INTS9: variants seen among roughly 807,000 people sequenced by gnomAD.
INTS9 encodes integrator complex subunit 9, also known as protein related to CPSF subunits of 74 kDa.
In INTS9, 55 loss-of-function variants were observed where a neutral mutation model predicts 79.7. That is an observed-to-expected ratio of 0.69 (90% CI 0.56 to 0.86). INTS9 has a LOEUF of 0.86. Ranked by LOEUF, INTS9 falls within the 40% of genes least tolerant of loss-of-function variation. The pLI is 0.00. For missense variants in INTS9, 721 were observed against 831.5 expected, an observed-to-expected ratio of 0.87 and a Z score of 1.64; for synonymous variants, 319 against 325.2, an observed-to-expected ratio of 0.98 and a Z score of 0.20.
At chr8:28,816,986 C>T (rs1302258325) in intron 6 of INTS9, among the ~76,000 whole-genome samples, 1 of 149,260 alleles carries the variant, frequency 6.7e-6, no homozygotes, top group Non-Finnish European at 1.5e-5. Context: ...CCTTTGCCCA[C>T]TTTTTGATGG....
intron 6 of INTS9, among the ~76,000 whole-genome samples, chr8:28,833,512 C>T (rs770347846): frequency 4.0e-5 from 6 of 151,822 alleles, no homozygotes; most frequent in East Asian, 3.9e-4. Context: ...CCCAGCTACT[C>T]GGGAGCCTGA....
At chr8:28,785,017 G>A (rs956442431) in intron 11 of INTS9, among the ~76,000 whole-genome samples, 2 of 152,178 alleles carry the variant, frequency 1.3e-5, no homozygotes, top group South Asian at 2.1e-4. Flanking sequence ...TTCTCAAAGG[G>A]TACAGGTCAG....
chr8:28,811,491 G>A (rs960663087), intron 8 of INTS9, among the ~76,000 whole-genome samples: 9 of 151,332 alleles, frequency 5.9e-5, no homozygotes, highest in Non-Finnish European at 1.0e-4. Context: ...GCGCAATCTC[G>A]GCTGACTGCA....
At chr8:28,836,162 A>T (rs1806795070) in intron 5 of INTS9, among the ~76,000 whole-genome samples, 1 of 152,206 alleles carries the variant, frequency 6.6e-6, no homozygotes, top group East Asian at 1.9e-4. Context: ...ATGTTTTAGG[A>T]ATTAGCAAAA....
intron 10 of INTS9, 21 bp downstream of exon 10, chr8:28,793,786 A>C (rs750591145): frequency 3.9e-6 from 6 of 1,526,310 alleles, no homozygotes; most frequent in Non-Finnish European, 3.5e-6. Context: ...TCACAAAAAA[A>C]AAAAAAAACC....
Position 28,859,080 on chromosome 8 carries a change from C to G in INTS9, c.137+356G>C, listed in dbSNP as rs192030089. ...TGTCAGACTCTATGCTGTTAAGTCTCTGCAAAGGCTGCTAAATAATTCTAA... is the reference window on the plus strand; with the variant it reads ...TGTCAGACTCTATGCTGTTAAGTCTGTGCAAAGGCTGCTAAATAATTCTAA... On this transcript the variant is annotated intron_variant, in intron 2 of 16. Coordinates refer to ENST00000521022, the MANE Select transcript of INTS9 (RefSeq NM_018250.4). Among the ~76,000 whole-genome samples, 147 of 151,856 alleles carry G rather than the reference C, an allele frequency of 9.7e-4. 1 individual carries two copies. Among genetic ancestry groups the G allele is most frequent in the African/African-American group, 3.3e-3 (134 of 41,134 alleles).
intron 6 of INTS9, among the ~76,000 whole-genome samples, chr8:28,821,872 C>T (rs923464900): frequency 6.6e-6 from 1 of 151,766 alleles, no homozygotes; most frequent in African/African-American, 2.4e-5. Context: ...TGAGCTCAAG[C>T]GATCCTCCTG....
intron 14 of INTS9, among the ~76,000 whole-genome samples, chr8:28,775,326 G>T (rs1802803123): frequency 6.6e-6 from 1 of 152,142 alleles, no homozygotes; most frequent in Non-Finnish European, 1.5e-5. Flanking sequence ...CGGTTACTTG[G>T]TTAAGGGTCC....
In INTS9 at chr8:28,768,467, G is replaced by A. The variant is rs542397660; in HGVS notation, c.1801-145C>T. On this transcript the variant is annotated intron_variant, in intron 16 of 16. Coordinates refer to ENST00000521022, the MANE Select transcript of INTS9 (RefSeq NM_018250.4). ...TCAGACTAGTCATAGGCCTATGATA[G>A]TGATAGTTTCTTATACTTGAAAAGA... The A allele has an allele frequency of 2.5e-5, 18 of 732,034 alleles. No homozygotes were observed. In the South Asian group the frequency reaches 2.7e-4, roughly 11 times the overall value. 45.3% of individuals were successfully genotyped at this position (732,034 alleles called of 1,614,324 possible). A position where few individuals can be genotyped will look rare whatever the true frequency, so the allele number is the denominator to read the frequency against.
At chr8:28,878,628 G>GTT (rs796246272) in intron 1 of INTS9, among the ~76,000 whole-genome samples, 3,771 of 132,290 alleles carry the variant, frequency 0.029, 177 homozygotes, top group African/African-American at 0.1. Context: ...GGCCTTCACT[G>GTT]TTTTTTTTTT....
chr8:28,817,581 GGTAGC>G (rs1395292354), intron 6 of INTS9, among the ~76,000 whole-genome samples: 7 of 152,190 alleles, frequency 4.6e-5, no homozygotes, highest in African/African-American at 1.7e-4. Context: ...TTTGAAGTCA[GGTAGC>G]GTGATGCCTC....
In INTS9 at chr8:28,776,429, T is replaced by TG. The variant is rs1166279823; in HGVS notation, c.1396-504_1396-503insC. ...TGCAACCAAGGAGCAGAGGCAGAGT[T>TG]TTTTTTTTTTGTTTTTTTTTTTAAA... On this transcript the variant is annotated intron_variant, in intron 13 of 16. Coordinates refer to ENST00000521022, the MANE Select transcript of INTS9 (RefSeq NM_018250.4). Among the ~76,000 whole-genome samples the TG allele has an allele frequency of 3.4e-5, 3 of 87,298 alleles. No homozygotes were observed. In the Admixed American group the frequency reaches 3.6e-4, roughly 10 times the overall value. The allele number at this position is 87,298 out of a possible 152,430, so 57.3% of individuals were successfully genotyped here. A position where few individuals can be genotyped will look rare whatever the true frequency, so the allele number is the denominator to read the frequency against.
At chr8:28,820,107 A>G in intron 6 of INTS9, among the ~76,000 whole-genome samples, 1 of 152,092 alleles carries the variant, frequency 6.6e-6, no homozygotes, top group Non-Finnish European at 1.5e-5. Context: ...TCTTTATCCA[A>G]TTTGCCAGTC....
At chr8:28,865,723 T>C (rs143945961) in intron 1 of INTS9, among the ~76,000 whole-genome samples, 2 of 152,258 alleles carry the variant, frequency 1.3e-5, no homozygotes, top group Non-Finnish European at 2.9e-5. Context: ...GGTGCTCTGA[T>C]TTTTCAAAAA....
At chr8:28,863,930 T>C (rs1471062526) in intron 1 of INTS9, among the ~76,000 whole-genome samples, 1 of 152,270 alleles carries the variant, frequency 6.6e-6, no homozygotes. Context: ...ATAGAATAAG[T>C]GGAAAATGGT....
intron 5 of INTS9, among the ~76,000 whole-genome samples, chr8:28,836,357 C>G (rs1012918327): frequency 1.1e-4 from 17 of 152,146 alleles, no homozygotes; most frequent in Admixed American, 1.0e-3. Context: ...TGCGGGAATT[C>G]TTGATGGCCA....
intron 4 of INTS9, among the ~76,000 whole-genome samples, chr8:28,844,751 G>T (rs1292716278): frequency 1.3e-5 from 2 of 152,178 alleles, no homozygotes; most frequent in Non-Finnish European, 2.9e-5. Context: ...AGGAGGCTGA[G>T]GTTGCAATGA....
intron 15 of INTS9, 95 bp downstream of exon 15, chr8:28,770,887 A>C: frequency 1.1e-6 from 1 of 875,758 alleles, no homozygotes; most frequent in Non-Finnish European, 1.8e-6. Context: ...TTCAACAAGA[A>C]TTCACATGAA....
rs566739223 is a variant in INTS9 at position 28,845,007 on chromosome 8, G to T, written c.261+1740C>A. ...ATTGTCATAATGAAAAACTCCACAT[G>T]TAAGTGGACTTTCCCAGTTCAAACT... On this transcript the variant is annotated intron_variant, in intron 4 of 16. Transcript: ENST00000521022. Among the ~76,000 whole-genome samples the T allele has an allele frequency of 2.1e-3, 324 of 152,218 alleles. 3 individuals are homozygous for T. The highest frequency in any genetic ancestry group is 3.5e-3 in the Non-Finnish European group (237 of 68,008).
Sources: gnomAD v4.1 joint callset for allele counts (sites outside exome capture counted in the v4.1 genomes callset) on GRCh38, gnomAD v4.1.1 for gene constraint, MANE v1.5 for transcripts, NCBI Gene and HGNC (gene_info 2026-07-23, HGNC 2026-07-21) for gene names.